SYCP1: variants seen among roughly 807,000 people sequenced by gnomAD.
The protein encoded by SYCP1 is cancer/testis antigen 8.
In SYCP1, 64 loss-of-function variants were observed where a neutral mutation model predicts 153.1. The observed-to-expected ratio is 0.42, with a 90% CI of 0.34 to 0.51. SYCP1 has a LOEUF of 0.51. Among genes scored for constraint, SYCP1 ranks in the 20% least tolerant of loss-of-function variants. The pLI, the probability that SYCP1 is intolerant of heterozygous loss-of-function variation, is 0.06. For synonymous variants in SYCP1, 384 were observed against 341.8 expected, an observed-to-expected ratio of 1.12 and a Z score of -1.36; for missense variants, 997 against 1,049.0, an observed-to-expected ratio of 0.95 and a Z score of 0.68.
intron 27 of SYCP1, among the ~76,000 whole-genome samples, chr1:114,965,774 C>G (rs952535911): frequency 6.6e-6 from 1 of 152,104 alleles, no homozygotes; most frequent in Non-Finnish European, 1.5e-5. Flanking sequence ...ATTATCACAT[C>G]GATGTTCATC....
Position 114,927,831 on chromosome 1 carries a change from G to A in SYCP1, c.1926+1268G>A, listed in dbSNP as rs538626851. ...AGAGAATAGGGCAAATAAAATTTTCGTTTTTGAGACAGAGTCTCACTCTGG... is the reference window on the plus strand; with the variant it reads ...AGAGAATAGGGCAAATAAAATTTTCATTTTTGAGACAGAGTCTCACTCTGG... On this transcript the variant is annotated intron_variant, in intron 23 of 31. Transcript: ENST00000369522. Among the ~76,000 whole-genome samples the A allele has an allele frequency of 2.7e-4, 41 of 152,160 alleles. No individual in the cohort carries two copies. In the South Asian group the frequency reaches 4.8e-3, roughly 18 times the overall value.
At chr1:114,926,585 G>GT (rs541924083) in intron 23 of SYCP1, 22 bp downstream of exon 23, 32 of 1,556,466 alleles carry the variant, frequency 2.1e-5, no homozygotes, top group Non-Finnish European at 2.5e-5. Context: ...CTTTATTTTT[G>GT]TTTTTTAAAT....
intron 23 of SYCP1, among the ~76,000 whole-genome samples, chr1:114,934,091 C>T (rs1669817090): frequency 6.6e-6 from 1 of 152,058 alleles, no homozygotes; most frequent in South Asian, 2.1e-4. Context: ...AGAAGAGCAA[C>T]TCCAAGATAC....
intron 27 of SYCP1, among the ~76,000 whole-genome samples, chr1:114,952,273 A>G (rs1671157294): frequency 6.6e-6 from 1 of 152,208 alleles, no homozygotes; most frequent in Non-Finnish European, 1.5e-5. Context: ...TTACATTACC[A>G]TAAGCACTGT....
chr1:114,857,593 A>G, intron 5 of SYCP1, 96 bp downstream of exon 5: 1 of 949,114 alleles, frequency 1.1e-6, no homozygotes, highest in Non-Finnish European at 1.5e-6. Context: ...AAGGATTATT[A>G]TTTGATTAAC....
chr1:114,926,652 T>G (rs1370173738), intron 23 of SYCP1, 89 bp downstream of exon 23: 1 of 1,116,192 alleles, frequency 9.0e-7, no homozygotes, highest in Non-Finnish European at 1.3e-6. Flanking sequence ...ACAGTATAAA[T>G]TCAATTTATA....
intron 27 of SYCP1, among the ~76,000 whole-genome samples, chr1:114,955,284 G>A (rs189964658): frequency 6.6e-6 from 1 of 151,190 alleles, no homozygotes; most frequent in Admixed American, 6.6e-5. Flanking sequence ...TGAGAAACAG[G>A]GAGAGAGAGA....
chr1:114,916,804 T>C (rs1198493710), intron 20 of SYCP1, among the ~76,000 whole-genome samples: 1 of 152,036 alleles, frequency 6.6e-6, no homozygotes, highest in African/African-American at 2.4e-5. Flanking sequence ...TTAAACTTGA[T>C]TGTCTTTTGT....
chr1:114,954,426 T>C (rs1360895613), intron 27 of SYCP1, among the ~76,000 whole-genome samples: 1 of 151,898 alleles, frequency 6.6e-6, no homozygotes, highest in African/African-American at 2.4e-5. Flanking sequence ...TTTTTATTCT[T>C]TGTGATTTTC....
chr1:114,903,932 A>G (rs1667639855), intron 16 of SYCP1, among the ~76,000 whole-genome samples: 1 of 151,818 alleles, frequency 6.6e-6, no homozygotes, highest in South Asian at 2.1e-4. Context: ...ACTCTCTTAC[A>G]TTTTCTTGGT....
Position 114,995,065 on chromosome 1 carries a change from A to C in SYCP1, c.*46A>C. 6.7e-7 allele frequency: 1 copy of C among 1,495,000 alleles called. No homozygotes were observed. Among genetic ancestry groups the C allele is most frequent in the South Asian group, 1.4e-5 (1 of 69,060 alleles). The allele number at this position is 1,495,000 out of a possible 1,614,324, so 92.6% of individuals were successfully genotyped here. ...TAAGGAGCCTAATAACGTGAAACTT[A>C]TAGTTAATATTTTGTTCTTATTTGC... is the stretch of plus-strand genomic sequence containing the variant. On this transcript the variant is annotated 3_prime_UTR_variant, in exon 32 of 32. Transcript: ENST00000369522.
At chr1:114,948,962 G>C (rs565347354) in intron 27 of SYCP1, among the ~76,000 whole-genome samples, 3 of 152,156 alleles carry the variant, frequency 2.0e-5, no homozygotes, top group Non-Finnish European at 2.9e-5. Flanking sequence ...AAGTTCTTTG[G>C]CTCTCACATA....
In SYCP1 at chr1:114,876,790, A is replaced by G; in HGVS notation, c.781A>G (p.Ile261Val). 7.1e-7 allele frequency: 1 copy of G among 1,398,966 alleles called. No individual in the cohort carries two copies. Among genetic ancestry groups the G allele is most frequent in the Non-Finnish European group, 9.3e-7 (1 of 1,071,802 alleles). 86.7% of individuals were successfully genotyped at this position (1,398,966 alleles called of 1,614,324 possible). ...CCTTGAACAAGAATACAAGAAGGAA[A>G]TAAATGACAAGGAAAAGCAGGTTTT... ...QHLEQEYKKE[I>V]NDKEKQVSLL... Residue 261 changes from isoleucine to valine, a missense_variant, in exon 11 of 32, where the codon ATA becomes GTA. Physicochemically the swap from Ile to Val is conservative, Grantham distance 29. This residue lies in a region of SYCP1 where 285 missense variants were observed against 366.1 expected (regional missense o/e 0.78). Transcript: ENST00000369522.
At chr1:114,981,621 A>G (rs940963880) in intron 29 of SYCP1, 109 bp downstream of exon 29, 13 of 1,026,172 alleles carry the variant, frequency 1.3e-5, no homozygotes, top group African/African-American at 5.1e-5. Context: ...TAGTTTCTTG[A>G]AAGTTTCAAT....
chr1:114,929,606 T>G (rs1669495617), intron 23 of SYCP1, among the ~76,000 whole-genome samples: 1 of 151,994 alleles, frequency 6.6e-6, no homozygotes, highest in African/African-American at 2.4e-5. Flanking sequence ...ACAAGTAGTA[T>G]TATTAAAGAT....
intron 29 of SYCP1, among the ~76,000 whole-genome samples, chr1:114,983,353 T>C (rs1673287718): frequency 6.6e-6 from 1 of 151,974 alleles, no homozygotes; most frequent in African/African-American, 2.4e-5. Context: ...CATCACTGCT[T>C]CACGTTGCTG....
chr1:114,970,399 A>G (rs757022621), intron 27 of SYCP1, among the ~76,000 whole-genome samples: 3 of 151,422 alleles, frequency 2.0e-5, no homozygotes, highest in Non-Finnish European at 4.4e-5. Flanking sequence ...GACCTTCTGA[A>G]TTCTTTTTCT....
At chr1:114,927,864 G>T (rs985530771) in intron 23 of SYCP1, among the ~76,000 whole-genome samples, 8 of 152,174 alleles carry the variant, frequency 5.3e-5, no homozygotes, top group African/African-American at 1.4e-4. Flanking sequence ...TGGCACCAAG[G>T]CTGGAGTGTG....
chr1:114,928,052 C>T (rs1255033333), intron 23 of SYCP1, among the ~76,000 whole-genome samples: 2 of 152,030 alleles, frequency 1.3e-5, no homozygotes, highest in Admixed American at 6.6e-5. Context: ...AACTCCTAGG[C>T]TCAAGTGATC....
Sources: gnomAD v4.1 joint callset for allele counts (sites outside exome capture counted in the v4.1 genomes callset) on GRCh38, gnomAD v4.1.1 for gene constraint, gnomAD v4.1.1 regional missense constraint, MANE v1.5 for transcripts, NCBI Gene and HGNC (gene_info 2026-07-23, HGNC 2026-07-21) for gene names.